The following PROKR2 variants were observed in gnomAD, a reference collection of about 807,000 sequenced individuals.
PROKR2 encodes the protein prokineticin receptor 2.
In PROKR2, 26 loss-of-function variants were observed where a neutral mutation model predicts 23.4. The ratio of observed to expected loss-of-function variants is 1.11; its 90% CI spans 0.81 to 1.54. The LOEUF (loss-of-function observed/expected upper bound fraction) is 1.54. Among genes scored for constraint, PROKR2 ranks in the 40% most tolerant of loss-of-function variants. PROKR2 has a pLI of 0.00. For synonymous variants in PROKR2, 212 were observed against 201.2 expected (o/e 1.05, Z -0.45); for missense variants, 453 against 511.5 (o/e 0.89, Z 1.10).
chr20:5,310,200 A>G (rs1979381685), intron 2 of PROKR2, among the ~76,000 whole-genome samples: 1 of 152,228 alleles, frequency 6.6e-6, no homozygotes, highest in Admixed American at 6.5e-5. Context: ...TTCATTTGCA[A>G]GAGGGACACC....
At chr20:5,307,148 C>T (rs2122212539) in intron 2 of PROKR2, among the ~76,000 whole-genome samples, 1 of 152,276 alleles carries the variant, frequency 6.6e-6, no homozygotes, top group African/African-American at 2.4e-5. Context: ...AGGACCCCAA[C>T]TGTCACAAGC....
In PROKR2 at chr20:5,302,398, C is replaced by A. The variant is rs143647776; in HGVS notation, c.797G>T (p.Arg266Leu). 9 of 1,614,100 alleles carry A rather than the reference C, an allele frequency of 5.6e-6. No individual in the cohort carries two copies. Among genetic ancestry groups the A allele is most frequent in the Middle Eastern group, 1.6e-4 (1 of 6,084 alleles). Reference sequence around the variant, plus strand: ...GACCGTCTTCCTGCGGCAGCGCAGCCGCTTGCGAATCTGCTCCGTCTGGAA... The same window carrying A: ...GACCGTCTTCCTGCGGCAGCGCAGCAGCTTGCGAATCTGCTCCGTCTGGAA... ...PGFQTEQIRKRLRCRRKTVLV... is the reference protein window; with the variant it reads ...PGFQTEQIRKLLRCRRKTVLV... The change falls in exon 3 of 3, where the codon CGG (arginine) becomes CTG (leucine). Residue 266 changes from arginine (R) to leucine (L), a missense_variant. Physicochemically the swap from Arg to Leu is moderately radical, Grantham distance 102. Transcript: ENST00000678254.
Position 5,301,993 on chromosome 20 carries a change from T to G in PROKR2, c.*47A>C. 6.5e-7 allele frequency: 1 copy of G among 1,535,690 alleles called. No homozygotes were observed. Among genetic ancestry groups the G allele is most frequent in the Non-Finnish European group, 9.0e-7 (1 of 1,114,006 alleles). ...TATGAACTTGGTTGATGGTGGGTGA[T>G]GCTCTGAGTACTGGACTGGGGTTTT... On this transcript the variant is annotated 3_prime_UTR_variant, in exon 3 of 3. Transcript: ENST00000678254.
At position 5,302,631 on chromosome 20, in the gene PROKR2, C is replaced by A. The variant is rs776913520; in HGVS notation, c.564G>T (p.Ser188=). Reference sequence around the variant, plus strand: ...GGACCGTTTCTGTTGCAAAGTAAGCCGATGGGATGGCAATGAGAATGGACA... The same window carrying A: ...GGACCGTTTCTGTTGCAAAGTAAGCAGATGGGATGGCAATGAGAATGGACA... The part of the protein sequence containing the change: ...WMVSILIAIP[S]AYFATETVLF... Residue 188 remains serine (S), a synonymous_variant, in exon 3 of 3, where the codon TCG becomes TCT. Coordinates refer to ENST00000678254, the MANE Select transcript of PROKR2 (RefSeq NM_144773.4). 6.2e-7 allele frequency: 1 copy of A among 1,613,982 alleles called. No homozygotes were observed. Among genetic ancestry groups the A allele is most frequent in the African/African-American group, 1.3e-5 (1 of 74,878 alleles).
chr20:5,306,916 A>G (rs996368205), intron 2 of PROKR2, among the ~76,000 whole-genome samples: 1 of 152,240 alleles, frequency 6.6e-6, no homozygotes, highest in Non-Finnish European at 1.5e-5. Flanking sequence ...AAAGCAGAAT[A>G]ACTGATTTGG....
intron 2 of PROKR2, among the ~76,000 whole-genome samples, chr20:5,304,307 T>A (rs2122207831): frequency 6.6e-6 from 1 of 152,332 alleles, no homozygotes; most frequent in Non-Finnish European, 1.5e-5. Flanking sequence ...AGCCTTTTCC[T>A]TTTAAATTAC....
In PROKR2 at chr20:5,301,143, C is replaced by A. The variant is rs1006529297; in HGVS notation, c.*897G>T. Among the ~76,000 whole-genome samples, 1 of 152,170 alleles carries A rather than the reference C, an allele frequency of 6.6e-6. No individual in the cohort carries two copies. The highest frequency in any genetic ancestry group is 2.4e-5 in the African/African-American group (1 of 41,434). ...ACACCTCCCATGATGCTGTAAACCACGCACTGACAAACTTATCGTTACATT... is the reference window on the plus strand; with the variant it reads ...ACACCTCCCATGATGCTGTAAACCAAGCACTGACAAACTTATCGTTACATT... On this transcript the variant is annotated 3_prime_UTR_variant, in exon 3 of 3. Coordinates refer to ENST00000678254, the MANE Select transcript of PROKR2 (RefSeq NM_144773.4).
chr20:5,309,091 C>T (rs1354400535), intron 2 of PROKR2, among the ~76,000 whole-genome samples: 1 of 152,176 alleles, frequency 6.6e-6, no homozygotes, highest in Non-Finnish European at 1.5e-5. Context: ...AATTAACCTG[C>T]ATGACCTGCC....
At chr20:5,314,705 A>T (rs1268431233) in intron 1 of PROKR2, among the ~76,000 whole-genome samples, 1 of 152,082 alleles carries the variant, frequency 6.6e-6, no homozygotes, top group Non-Finnish European at 1.5e-5. Flanking sequence ...GATGGATCAG[A>T]CTGTCCAGAA....
At chr20:5,315,876 C>G in intron 1 of PROKR2, 1 of 456,596 alleles carries the variant, frequency 2.2e-6, no homozygotes, top group Non-Finnish European at 4.4e-6. Context: ...TTCCAGCCCC[C>G]TAACCCAAGA....
rs375646689 is a variant in PROKR2 at position 5,314,298 on chromosome 20, G to C, written c.72C>G (p.Leu24=). The part of the protein sequence containing the change: ...FNPPQDHASS[L]SFNFSYGDYD... ...AATCACCATAACTGAAGTTAAAGGA[G>C]AGGGAGGAGGCATGGTCTTGGGGTG... The change falls in exon 2 of 3, where the codon CTC becomes CTG. Residue 24 remains leucine, a synonymous_variant. Transcript: ENST00000678254. The C allele has an allele frequency of 1.2e-6, 2 of 1,614,240 alleles. No homozygotes were observed. Among genetic ancestry groups the C allele is most frequent in the South Asian group, 2.2e-5 (2 of 91,086 alleles).
Position 5,316,082 on chromosome 20 carries a change from G to A in PROKR2, c.-9+412C>T. The A allele has an allele frequency of 4.4e-6, 2 of 456,774 alleles. No individual in the cohort carries two copies. Among genetic ancestry groups the A allele is most frequent in the South Asian group, 3.1e-5 (2 of 64,576 alleles). 28.3% of individuals were successfully genotyped at this position (456,774 alleles called of 1,614,324 possible). On this transcript the variant is annotated intron_variant, in intron 1 of 2. Transcript: ENST00000678254. This position sits in a 1 kb window ranked among gnomAD's most constrained non-coding sequence, Gnocchi z 5.0. ...TCAGGCTCTAGAAGCAAAGGCTGCGGTGCCTCCTGGCTGGAAGAAAACGGC... is the reference window on the plus strand; with the variant it reads ...TCAGGCTCTAGAAGCAAAGGCTGCGATGCCTCCTGGCTGGAAGAAAACGGC...
chr20:5,308,604 C>T (rs1979318736), intron 2 of PROKR2, among the ~76,000 whole-genome samples: 1 of 152,222 alleles, frequency 6.6e-6, no homozygotes, highest in Non-Finnish European at 1.5e-5. Flanking sequence ...GCTCTGAAGG[C>T]TGTGAAACCC....
chr20:5,316,163 T>C lies in PROKR2; in HGVS notation c.-9+331A>G. On this transcript the variant is annotated intron_variant, in intron 1 of 2. Coordinates refer to ENST00000678254, the MANE Select transcript of PROKR2 (RefSeq NM_144773.4). This position sits in a 1 kb window ranked among gnomAD's most constrained non-coding sequence, Gnocchi z 5.0. ...TTCCCCACGGACGCTTGCTGTTTCC[T>C]GCTCACCTTTCAGGAAGGTGCCCCT... 1 of 456,696 alleles carries C rather than the reference T, an allele frequency of 2.2e-6. No homozygotes were observed. Among genetic ancestry groups the C allele is most frequent in the Non-Finnish European group, 4.4e-6 (1 of 226,952 alleles). The allele number at this position is 456,696 out of a possible 1,614,324, so 28.3% of individuals were successfully genotyped here.
At chr20:5,312,288 G>T (rs1005910065) in intron 2 of PROKR2, among the ~76,000 whole-genome samples, 1 of 152,148 alleles carries the variant, frequency 6.6e-6, no homozygotes, top group African/African-American at 2.4e-5. Flanking sequence ...TGTATTTTTA[G>T]TAGAGAAGGG....
chr20:5,300,606 C>T lies in PROKR2; in HGVS notation c.*1434G>A, dbSNP rs746692011. Among the ~76,000 whole-genome samples the T allele has an allele frequency of 2.0e-5, 3 of 152,186 alleles. No individual in the cohort carries two copies. The highest frequency in any genetic ancestry group is 1.3e-4 in the Admixed American group (2 of 15,278). On this transcript the variant is annotated 3_prime_UTR_variant, in exon 3 of 3. Transcript: ENST00000678254. ...CAACAGTCTTGCAAGGTATGAAGAG[C>T]GGATATTTTCATCATCGCCATTTCA...
chr20:5,308,386 A>C (rs1005848949), intron 2 of PROKR2, among the ~76,000 whole-genome samples: 6 of 152,226 alleles, frequency 3.9e-5, no homozygotes, highest in Non-Finnish European at 8.8e-5. Flanking sequence ...AACCACAAAC[A>C]ATAGCATGAG....
intron 2 of PROKR2, among the ~76,000 whole-genome samples, chr20:5,313,047 G>A (rs1979499457): frequency 6.6e-6 from 1 of 152,194 alleles, no homozygotes; most frequent in Non-Finnish European, 1.5e-5. Flanking sequence ...AAACATTTGA[G>A]GTGATGGATA....
rs1250413313 is a variant in PROKR2, at chr20:5,316,773, C to T, written c.-288G>A. Among the ~76,000 whole-genome samples the T allele has an allele frequency of 1.3e-5, 2 of 152,240 alleles. No individual in the cohort carries two copies. The highest frequency in any genetic ancestry group is 6.5e-5 in the Admixed American group (1 of 15,290). ...GCCCCGCCCCGCGCTGGACTCCGCC[C>T]CGGGGTCCCCGCCTGCCTCCTAGTC... On this transcript the variant is annotated 5_prime_UTR_variant, in exon 1 of 3. Coordinates refer to ENST00000678254, the MANE Select transcript of PROKR2 (RefSeq NM_144773.4). This position sits in a 1 kb window ranked among gnomAD's most constrained non-coding sequence, Gnocchi z 5.0.
Sources: allele counts gnomAD v4.1 joint callset (sites outside exome capture counted in the v4.1 genomes callset), GRCh38; gene constraint gnomAD v4.1.1; non-coding constraint Gnocchi (gnomAD v3.1); transcripts MANE v1.5; gene names NCBI Gene and HGNC (gene_info 2026-07-23, HGNC 2026-07-21).